Variants in PDE8B observed in about 807,000 individuals in gnomAD.
The protein encoded by PDE8B is high affinity cAMP-specific and IBMX-insensitive 3',5'-cyclic phosphodiesterase 8B.
Under a neutral mutation model 101.3 loss-of-function variants are expected in PDE8B, and 26 were observed. The observed-to-expected ratio is 0.26, with a 90% CI of 0.19 to 0.36. The LOEUF is 0.36. Ranked by LOEUF, PDE8B falls within the 10% of genes least tolerant of loss-of-function variation. PDE8B has a pLI of 1.00. For missense variants in PDE8B, 810 were observed against 1,163.1 expected, an observed-to-expected ratio of 0.70 and a Z score of 4.42; for synonymous variants, 424 against 429.3, an observed-to-expected ratio of 0.99 and a Z score of 0.15.
chr5:77,204,410 CAAA>C, the PDE8B span, among the ~76,000 whole-genome samples: 1 of 106,086 alleles, frequency 9.4e-6, no homozygotes, highest in Non-Finnish European at 2.1e-5. Context: ...GACTCTGTCT[CAAA>C]AAAAAAAAAA....
At chr5:77,227,617 T>C (rs1183041485) in intron 1 of PDE8B, among the ~76,000 whole-genome samples, 2 of 152,142 alleles carry the variant, frequency 1.3e-5, no homozygotes, top group Admixed American at 6.5e-5. Context: ...CCTGTGCATG[T>C]CCATAAGAGA....
intron 1 of PDE8B, among the ~76,000 whole-genome samples, chr5:77,248,716 T>C (rs1466965159): frequency 6.6e-6 from 1 of 152,220 alleles, no homozygotes; most frequent in African/African-American, 2.4e-5. Flanking sequence ...TGTGGTGCTA[T>C]GGACTGAATT....
intron 1 of PDE8B, among the ~76,000 whole-genome samples, chr5:77,283,952 T>A (rs1765518904): frequency 6.6e-6 from 1 of 152,244 alleles, no homozygotes; most frequent in Non-Finnish European, 1.5e-5. Context: ...TCACTGACAA[T>A]GAATTAGAGT....
At chr5:77,340,509 G>C (rs1779022601) in intron 6 of PDE8B, among the ~76,000 whole-genome samples, 1 of 151,910 alleles carries the variant, frequency 6.6e-6, no homozygotes, top group Admixed American at 6.6e-5. Context: ...ACTCATCCCA[G>C]ACTCCTGCTG....
intron 4 of PDE8B, 199 bp from the exon 5 acceptor site, chr5:77,331,203 T>C (rs1777053074): frequency 1.5e-6 from 1 of 682,774 alleles, no homozygotes; most frequent in Admixed American, 2.0e-5. Flanking sequence ...CTTTCTCTGC[T>C]GTTTTTGTTC....
At chr5:77,201,023 A>G in the PDE8B span, among the ~76,000 whole-genome samples, 1 of 152,216 alleles carries the variant, frequency 6.6e-6, no homozygotes, top group African/African-American at 2.4e-5. Context: ...ACAGTGTAAG[A>G]AGATTAAGAA....
At chr5:77,240,827 T>G (rs968067872) in intron 1 of PDE8B, among the ~76,000 whole-genome samples, 1 of 152,224 alleles carries the variant, frequency 6.6e-6, no homozygotes, top group Non-Finnish European at 1.5e-5. Context: ...AAAATAAAAT[T>G]ATTTTGTCTT....
Position 77,421,965 on chromosome 5 carries a change from A to G in PDE8B, c.2395A>G (p.Ile799Val). 1 of 1,614,144 alleles carries G rather than the reference A, an allele frequency of 6.2e-7. No homozygotes were observed. Among genetic ancestry groups the G allele is most frequent in the South Asian group, 1.1e-5 (1 of 91,068 alleles). The change falls in exon 20 of 22, where the codon ATC becomes GTC. Residue 799 changes from isoleucine (I) to valine (V), a missense_variant. Coordinates refer to ENST00000264917, the MANE Select transcript of PDE8B (RefSeq NM_003719.5). ...LDLCIEWAGRISEEYFAQTDE... is the reference protein window; with the variant it reads ...LDLCIEWAGRVSEEYFAQTDE... Reference sequence around the variant, plus strand: ...CCTGTGCATTGAATGGGCTGGGAGGATCTCTGAGGAGTATTTTGCACAGGT... The same window carrying G: ...CCTGTGCATTGAATGGGCTGGGAGGGTCTCTGAGGAGTATTTTGCACAGGT...
the PDE8B span, among the ~76,000 whole-genome samples, chr5:77,143,722 G>A: frequency 6.6e-6 from 1 of 152,110 alleles, no homozygotes; most frequent in Non-Finnish European, 1.5e-5. Context: ...TGTCCACAGA[G>A]GGCAATATTA....
the PDE8B span, among the ~76,000 whole-genome samples, chr5:77,136,565 C>T: frequency 6.6e-6 from 1 of 152,202 alleles, no homozygotes; most frequent in African/African-American, 2.4e-5. Flanking sequence ...CTCTCCTCAG[C>T]CTCCTCTTGT....
intron 1 of PDE8B, among the ~76,000 whole-genome samples, chr5:77,254,903 T>G (rs1377967894): frequency 6.6e-6 from 1 of 152,204 alleles, no homozygotes; most frequent in Admixed American, 6.5e-5. Context: ...TTTAAATAAA[T>G]GGAACCTTTT....
chr5:77,425,657 G>A, intron 20 of PDE8B, 110 bp from the exon 21 acceptor site: 1 of 1,129,872 alleles, frequency 8.9e-7, no homozygotes, highest in South Asian at 1.2e-5. Context: ...TTTCTTCATT[G>A]AGAAAACTGG....
At chr5:77,290,917 G>T in intron 1 of PDE8B, 1 of 1,607,472 alleles carries the variant, frequency 6.2e-7, no homozygotes, top group Middle Eastern at 1.7e-4. Context: ...AAGCTGCTTG[G>T]TGCAATTTGT....
chr5:77,095,748 A>G, the PDE8B span, among the ~76,000 whole-genome samples: 1 of 152,134 alleles, frequency 6.6e-6, no homozygotes, highest in African/African-American at 2.4e-5. Flanking sequence ...TCTTTGGGGC[A>G]TTGTCCCCAT....
At chr5:77,349,282 T>C in intron 7 of PDE8B, 137 bp from the exon 8 acceptor site, 1 of 1,129,924 alleles carries the variant, frequency 8.9e-7, no homozygotes, top group East Asian at 2.4e-5. Context: ...GCTAACTGCA[T>C]TAGAGAATGT....
chr5:77,305,051 G>A (rs1770863729), intron 1 of PDE8B, among the ~76,000 whole-genome samples: 1 of 152,132 alleles, frequency 6.6e-6, no homozygotes, highest in African/African-American at 2.4e-5. Context: ...TGCAGGAGGG[G>A]CCATTAAAGA....
intron 1 of PDE8B, among the ~76,000 whole-genome samples, chr5:77,269,529 T>G (rs189600633): frequency 6.6e-6 from 1 of 152,332 alleles, no homozygotes; most frequent in African/African-American, 2.4e-5. Flanking sequence ...TTGTGGGGTA[T>G]TACTCAAGAA....
chr5:77,353,629 G>A (rs2150478681), intron 10 of PDE8B, among the ~76,000 whole-genome samples: 1 of 152,230 alleles, frequency 6.6e-6, no homozygotes, highest in African/African-American at 2.4e-5. Context: ...GATTTAGCTT[G>A]TGGCTGAGGA....
intron 10 of PDE8B, among the ~76,000 whole-genome samples, chr5:77,361,575 C>T (rs917701320): frequency 2.7e-5 from 4 of 149,734 alleles, no homozygotes; most frequent in African/African-American, 4.9e-5. Context: ...AGTGCAGTGG[C>T]GCGATCTCGG....
Sources: allele counts gnomAD v4.1 joint callset (sites outside exome capture counted in the v4.1 genomes callset), GRCh38; gene constraint gnomAD v4.1.1; transcripts MANE v1.5; gene names NCBI Gene and HGNC (gene_info 2026-07-23, HGNC 2026-07-21).